HSPA8: variants seen among roughly 807,000 people sequenced by gnomAD.
HSPA8 encodes heat shock protein family A (Hsp70) member 8.
Under a neutral mutation model 52.8 loss-of-function variants are expected in HSPA8, and 2 were observed. The observed-to-expected ratio is 0.04, with a 90% CI of 0.02 to 0.12. The LOEUF (loss-of-function observed/expected upper bound fraction) is 0.12. Ranked by LOEUF, HSPA8 falls within the 10% of genes least tolerant of loss-of-function variation. HSPA8 has a pLI of 1.00. For synonymous variants in HSPA8, 436 were observed against 274.0 expected (o/e 1.59, Z -5.84); for missense variants, 349 against 800.5 (o/e 0.44, Z 6.81).
chr11:123,058,199 C>T, intron 8 of HSPA8, 53 bp downstream of exon 8: 1 of 1,134,552 alleles, frequency 8.8e-7, no homozygotes, highest in South Asian at 1.3e-5. Context: ...GGTTTACCAT[C>T]CCCTTCCCCT....
At position 123,057,598 on chromosome 11, in the gene HSPA8, T is replaced by C. The variant is rs1043871315; in HGVS notation, c.*136A>G. 2.1e-5 allele frequency: 13 copies of C among 613,484 alleles called. 1 individual carries two copies. Among genetic ancestry groups the C allele is most frequent in the South Asian group, 6.2e-5 (3 of 48,404 alleles). 38.0% of individuals were successfully genotyped at this position (613,484 alleles called of 1,614,324 possible). A position where few individuals can be genotyped will look rare whatever the true frequency, so the allele number is the denominator to read the frequency against. ...TTCCTTCCCCTGTGCATATGTTCCA[T>C]ATTCAAGTATTGAGAATGCCCAGTA... On this transcript the variant is annotated 3_prime_UTR_variant, in exon 9 of 9. Coordinates refer to ENST00000534624, the MANE Select transcript of HSPA8 (RefSeq NM_006597.6).
Position 123,058,204 on chromosome 11 carries a change from T to TC in HSPA8, c.1755+47dup, listed in dbSNP as rs781553912. 9.2e-5 allele frequency: 103 copies of TC among 1,117,056 alleles called. 1 individual carries two copies. The African/African-American group carries it at 1.5e-3, about 16-fold the overall frequency. The allele number at this position is 1,117,056 out of a possible 1,614,324, so 69.2% of individuals were successfully genotyped here. ...GCTCAAGCTTGGTTTACCATCCCCT[T>TC]CCCCTCCATTGAGTGGGGGAGGAAA... On this transcript the variant is annotated intron_variant, in intron 8 of 8. Coordinates refer to ENST00000534624, the MANE Select transcript of HSPA8 (RefSeq NM_006597.6).
chr11:123,058,829 A>G lies in HSPA8; in HGVS notation c.1325T>C (p.Val442Ala), dbSNP rs1426678244. ...TGTCATGGCACGCTCGCCTTCATAA[A>G]CCTTGGTAGGAAATAAAACAAATTA... ...SDNQPGVLIQ[V>A]YEGERAMTKD... The change falls in exon 7 of 9, where the codon GTT (valine) becomes GCT (alanine). Residue 442 changes from valine to alanine, a missense_variant and splice_region_variant. Physicochemically the swap from Val to Ala is moderately conservative, Grantham distance 64. Transcript: ENST00000534624. 1 of 1,613,978 alleles carries G rather than the reference A, an allele frequency of 6.2e-7. No homozygotes were observed. Among genetic ancestry groups the G allele is most frequent in the Non-Finnish European group, 8.5e-7 (1 of 1,179,916 alleles).
chr11:123,057,963 A>G (rs1565366278), intron 8 of HSPA8, 44 bp from the exon 9 acceptor site: 2 of 1,452,644 alleles, frequency 1.4e-6, no homozygotes, highest in Non-Finnish European at 9.4e-7. Context: ...TTTTAATGTT[A>G]ATAACCCTTC....
intron 1 of HSPA8, 28 bp from the exon 2 acceptor site, chr11:123,061,357 A>C (rs753227933): frequency 1.3e-6 from 2 of 1,525,618 alleles, no homozygotes; most frequent in Admixed American, 1.7e-5. Context: ...CTGGTTTAAA[A>C]ATTCAATTAA....
chr11:123,057,518 T>G lies in HSPA8; in HGVS notation c.*216A>C. ...ATGGTGCCAATTTTAAATAGTTTTA[T>G]TTAAGACATTGCATTTTCCACTTAC... On this transcript the variant is annotated 3_prime_UTR_variant, in exon 9 of 9. Coordinates refer to ENST00000534624, the MANE Select transcript of HSPA8 (RefSeq NM_006597.6). The G allele has an allele frequency of 2.2e-6, 1 of 455,118 alleles. No individual in the cohort carries two copies. The highest frequency in any genetic ancestry group is 3.9e-6 in the Non-Finnish European group (1 of 259,354). 28.2% of individuals were successfully genotyped at this position (455,118 alleles called of 1,614,324 possible).
At position 123,057,637 on chromosome 11, in the gene HSPA8, G is replaced by A. The variant is rs561827482; in HGVS notation, c.*97C>T. The A allele has an allele frequency of 3.7e-4, 346 of 927,280 alleles. 2 individuals are homozygous for A. The South Asian group carries it at 4.3e-3, about 11-fold the overall frequency. The allele number at this position is 927,280 out of a possible 1,614,324, so 57.4% of individuals were successfully genotyped here. ...GAATGCCCAGTAACTTACTATAGCA[G>A]CTTAACTTTTTAAAACTGCCACAGA... On this transcript the variant is annotated 3_prime_UTR_variant, in exon 9 of 9. Transcript: ENST00000534624.
upstream of HSPA8, chr11:123,062,444 G>C (rs575922728): frequency 3.1e-4 from 47 of 152,390 alleles, no homozygotes; most frequent in African/African-American, 1.1e-3. Context: ...GGAGTCCTCA[G>C]TTACCCCGGG....
Position 123,061,256 on chromosome 11 carries a change from G to A in HSPA8, c.69C>T (p.His23=), listed in dbSNP as rs755455419. The part of the protein sequence containing the change: ...TTYSCVGVFQ[H]GKVEIIANDQ... ...CATTGGCAATTATCTCGACTTTTCC[G>A]TGCTGGAAAACACCCACACAAGAGT... is the stretch of plus-strand genomic sequence containing the variant. Residue 23 remains histidine (H), a synonymous_variant, in exon 2 of 9, where the codon CAC becomes CAT. Transcript: ENST00000534624. 1.9e-6 allele frequency: 3 copies of A among 1,613,684 alleles called. No homozygotes were observed. Among genetic ancestry groups the A allele is most frequent in the South Asian group, 1.1e-5 (1 of 91,068 alleles).
intron 1 of HSPA8, 47 bp downstream of exon 1, chr11:123,062,017 C>T (rs772253942): frequency 1.2e-4 from 19 of 153,494 alleles, no homozygotes; most frequent in Non-Finnish European, 2.8e-4. Context: ...TGTGTGGAGG[C>T]TGCACGCTCC....
chr11:123,059,351 G>A lies in HSPA8; in HGVS notation c.1121-90C>T. ...AACTATCACTCGCTCAGACATCCAA[G>A]GAAGGTGTTGCCATCATTAGCCAAG... On this transcript the variant is annotated intron_variant, in intron 5 of 8. Coordinates refer to ENST00000534624, the MANE Select transcript of HSPA8 (RefSeq NM_006597.6). 2.2e-6 allele frequency: 3 copies of A among 1,374,324 alleles called. No homozygotes were observed. In the South Asian group the frequency reaches 3.7e-5, roughly 17 times the overall value. The allele number at this position is 1,374,324 out of a possible 1,614,324, so 85.1% of individuals were successfully genotyped here.
At chr11:123,059,338 C>G in intron 5 of HSPA8, 77 bp from the exon 6 acceptor site, 1 of 1,406,120 alleles carries the variant, frequency 7.1e-7, no homozygotes, top group Non-Finnish European at 1.0e-6. Flanking sequence ...CTATCACTCG[C>G]TCAGACATCC....
In HSPA8 at chr11:123,058,709, G is replaced by A; in HGVS notation, c.1445C>T (p.Ala482Val). 6.2e-7 allele frequency: 1 copy of A among 1,613,396 alleles called. No individual in the cohort carries two copies. Among genetic ancestry groups the A allele is most frequent in the Admixed American group, 1.7e-5 (1 of 59,998 alleles). Residue 482 changes from alanine (A) to valine (V), a missense_variant, in exon 7 of 9, where the codon GCC becomes GTC. Ala to Val is a moderately conservative substitution (Grantham distance 64, BLOSUM62 0). Coordinates refer to ENST00000534624, the MANE Select transcript of HSPA8 (RefSeq NM_006597.6). ...AGCAGAGACATTGAGTATACCATTG[G>A]CATCAATGTCAAAAGTGACTTCAAT... ...PQIEVTFDID[A>V]NGILNVSAVD... is the part of the protein sequence containing the mutation.
rs1865380210 is a variant in HSPA8 at position 123,058,336 on chromosome 11, T to C, written c.1671A>G (p.Lys557=). 1 of 1,613,374 alleles carries C rather than the reference T, an allele frequency of 6.2e-7. No individual in the cohort carries two copies. Among genetic ancestry groups the C allele is most frequent in the Non-Finnish European group, 8.5e-7 (1 of 1,179,504 alleles). Residue 557 remains lysine, a synonymous_variant, in exon 8 of 9, where the codon AAA becomes AAG. Coordinates refer to ENST00000534624, the MANE Select transcript of HSPA8 (RefSeq NM_006597.6). ...CCTCATCGTTAATCTTGCCTTGAAGTTTCTCATCTTCAACAGTTGCTTTCA... is the reference window on the plus strand; with the variant it reads ...CCTCATCGTTAATCTTGCCTTGAAGCTTCTCATCTTCAACAGTTGCTTTCA... The part of the protein sequence containing the change: ...FNMKATVEDE[K]LQGKINDEDK...
chr11:123,057,698 A>G lies in HSPA8; in HGVS notation c.*36T>C. The G allele has an allele frequency of 6.5e-7, 1 of 1,529,270 alleles. No homozygotes were observed. Among genetic ancestry groups the G allele is most frequent in the South Asian group, 1.2e-5 (1 of 82,086 alleles). 94.7% of individuals were successfully genotyped at this position (1,529,270 alleles called of 1,614,324 possible). ...AATTTAGGTCCTTCAAATGTTTTAA[A>G]TGTGTGGAACAATGCTACATCTACA... On this transcript the variant is annotated 3_prime_UTR_variant, in exon 9 of 9. Coordinates refer to ENST00000534624, the MANE Select transcript of HSPA8 (RefSeq NM_006597.6).
chr11:123,060,330 G>A (rs531554366), intron 3 of HSPA8, 62 bp from the exon 4 acceptor site: 20 of 1,472,076 alleles, frequency 1.4e-5, no homozygotes, highest in Admixed American at 1.7e-5. Flanking sequence ...GCAAACTCCA[G>A]CAAATGGATT....
intron 1 of HSPA8, 75 bp from the exon 2 acceptor site, chr11:123,061,404 A>T: frequency 8.6e-7 from 1 of 1,161,028 alleles, no homozygotes; most frequent in Non-Finnish European, 1.3e-6. Flanking sequence ...AGAACACTTA[A>T]CCAGGAAAAA....
rs1865449999 is a variant in HSPA8 at position 123,060,219 on chromosome 11, TGA to T, written c.459_460del (p.Gln154AlafsTer17). 3.7e-6 allele frequency: 6 copies of T among 1,613,998 alleles called. No homozygotes were observed. Among genetic ancestry groups the T allele is most frequent in the Non-Finnish European group, 5.1e-6 (6 of 1,179,944 alleles). On this transcript the variant is annotated frameshift_variant, in exon 4 of 9. Transcript: ENST00000534624. LOFTEE classifies it high-confidence loss of function. ...TCCAGCATCTTTGGTAGCCTGACGC[TGA>T]GAGTCATTAAAGTAAGCTGGCACTG...
chr11:123,060,337 G>A (rs778309377), intron 3 of HSPA8, 69 bp from the exon 4 acceptor site: 3 of 1,416,072 alleles, frequency 2.1e-6, no homozygotes, highest in Admixed American at 1.8e-5. Context: ...CCAGCAAATG[G>A]ATTAATGCTG....
Sources: allele counts gnomAD v4.1 joint callset, GRCh38; gene constraint gnomAD v4.1.1; transcripts MANE v1.5; gene names NCBI Gene and HGNC (gene_info 2026-07-23, HGNC 2026-07-21).